GPHN: variants seen among roughly 807,000 people sequenced by gnomAD.
GPHN encodes gephyrin.
GPHN carries 17 observed loss-of-function variants against 95.5 expected under a neutral mutation model. That is an observed-to-expected ratio of 0.18 (90% CI 0.12 to 0.27). The LOEUF (loss-of-function observed/expected upper bound fraction) is 0.27. Ranked by LOEUF, GPHN falls within the 10% of genes least tolerant of loss-of-function variation. The probability of loss-of-function intolerance (pLI) is 1.00; values close to 1 mark genes in which losing one functional copy is unlikely to be tolerated. For synonymous variants in GPHN, 320 were observed against 322.5 expected (o/e 0.99, Z 0.08); for missense variants, 660 against 978.1 (o/e 0.67, Z 4.34).
chr14:67,142,611 C>A (rs1356972168), intron 17 of GPHN, among the ~76,000 whole-genome samples: 1 of 152,152 alleles, frequency 6.6e-6, no homozygotes, highest in Non-Finnish European at 1.5e-5. Context: ...TCCTTTTCCC[C>A]CTACCTTTTC....
intron 2 of GPHN, among the ~76,000 whole-genome samples, chr14:66,702,614 A>G (rs537612753): frequency 7.9e-5 from 12 of 152,326 alleles, no homozygotes; most frequent in African/African-American, 2.6e-4. Flanking sequence ...AGCATCGACA[A>G]CAACAACAAA....
At chr14:67,474,071 G>A in the GPHN span, 14 of 999,860 alleles carry the variant, frequency 1.4e-5, no homozygotes, top group Non-Finnish European at 2.0e-5. Flanking sequence ...GGCCATCATG[G>A]TGAAACCCCG....
rs531864702 is a variant in GPHN at position 67,072,201 on chromosome 14, A to G, written c.1144+13415A>G. On this transcript the variant is annotated intron_variant, in intron 11 of 22. Coordinates refer to ENST00000478722, the MANE Select transcript of GPHN (RefSeq NM_020806.5). ...AATGTTTTAAGTTAAAATGGAAAAA[A>G]ATAGAAATTTTCTCAGAAGTAATGG... 5.9e-5 allele frequency among the ~76,000 whole-genome samples: 9 copies of G among 152,276 alleles called. No homozygotes were observed. In the East Asian group the frequency reaches 1.7e-3, roughly 29 times the overall value.
chr14:66,517,410 A>G (rs1410947363), intron 1 of GPHN, among the ~76,000 whole-genome samples: 1 of 152,210 alleles, frequency 6.6e-6, no homozygotes, highest in Non-Finnish European at 1.5e-5. Context: ...TTCTATACCA[A>G]TGACATTCTT....
chr14:67,068,195 T>G (rs2076143701), intron 11 of GPHN, among the ~76,000 whole-genome samples: 1 of 152,226 alleles, frequency 6.6e-6, no homozygotes, highest in Non-Finnish European at 1.5e-5. Flanking sequence ...TATAGCATAC[T>G]GCATCTCAAA....
the GPHN span, among the ~76,000 whole-genome samples, chr14:67,453,259 T>G: frequency 1.3e-5 from 2 of 152,210 alleles, no homozygotes; most frequent in Non-Finnish European, 2.9e-5. Context: ...CTGGGTTGAC[T>G]AGTCAAAGTG....
At chr14:66,542,320 G>A (rs1477745812) in intron 1 of GPHN, among the ~76,000 whole-genome samples, 3 of 152,044 alleles carry the variant, frequency 2.0e-5, no homozygotes, top group African/African-American at 7.2e-5. Flanking sequence ...TATTTTCTTA[G>A]ATGACTTATT....
At chr14:66,943,833 A>G (rs1490815546) in intron 8 of GPHN, among the ~76,000 whole-genome samples, 3 of 152,190 alleles carry the variant, frequency 2.0e-5, no homozygotes, top group Non-Finnish European at 2.9e-5. Flanking sequence ...ATTATTGGAT[A>G]TAGCCCTTTA....
At chr14:67,215,691 AG>A in the GPHN span, among the ~76,000 whole-genome samples, 1 of 152,222 alleles carries the variant, frequency 6.6e-6, no homozygotes, top group African/African-American at 2.4e-5. Context: ...TTATTAGAAA[AG>A]CGTAAGGTTT....
the GPHN span, chr14:67,201,370 G>A: frequency 2.3e-6 from 1 of 443,088 alleles, no homozygotes; most frequent in African/African-American, 2.0e-5. Context: ...AGAGCCCCAG[G>A]GCATCAGCTC....
chr14:67,115,071 A>G (rs2153688040), intron 16 of GPHN, among the ~76,000 whole-genome samples: 1 of 152,312 alleles, frequency 6.6e-6, no homozygotes, highest in East Asian at 1.9e-4. Context: ...CAGTTTTCCA[A>G]GAGAATAATG....
the GPHN span, among the ~76,000 whole-genome samples, chr14:67,398,853 G>A: frequency 6.6e-6 from 1 of 152,286 alleles, no homozygotes; most frequent in African/African-American, 2.4e-5. Context: ...GAGCCACCAT[G>A]CCCGGTCCCT....
At chr14:66,901,487 T>C (rs2065128339) in intron 5 of GPHN, among the ~76,000 whole-genome samples, 1 of 152,126 alleles carries the variant, frequency 6.6e-6, no homozygotes, top group African/African-American at 2.4e-5. Flanking sequence ...CCTCAGTGTT[T>C]TCTTCTAGTA....
chr14:67,118,005 G>GATCA (rs1000768497), intron 16 of GPHN, among the ~76,000 whole-genome samples: 3 of 152,114 alleles, frequency 2.0e-5, no homozygotes, highest in African/African-American at 7.2e-5. Flanking sequence ...GAAACCTGTT[G>GATCA]ATCATACAAA....
At chr14:67,498,855 G>A in the GPHN span, among the ~76,000 whole-genome samples, 1 of 152,054 alleles carries the variant, frequency 6.6e-6, no homozygotes, top group Non-Finnish European at 1.5e-5. Context: ...TTTTAGTAGA[G>A]ACAGGGTTTC....
At chr14:67,382,668 C>A in the GPHN span, 1 of 1,528,888 alleles carries the variant, frequency 6.5e-7, no homozygotes, top group South Asian at 1.1e-5. Context: ...TAAGAGCTGT[C>A]GGCCTTGGAA....
chr14:67,361,444 T>A, the GPHN span, among the ~76,000 whole-genome samples: 1 of 152,188 alleles, frequency 6.6e-6, no homozygotes, highest in African/African-American at 2.4e-5. Flanking sequence ...ACTATAATGA[T>A]GAAATAAAAG....
At chr14:66,859,094 G>GGGAA (rs1265889404) in intron 4 of GPHN, among the ~76,000 whole-genome samples, 3 of 152,176 alleles carry the variant, frequency 2.0e-5, no homozygotes, top group Non-Finnish European at 4.4e-5. Context: ...ACACCTTAAA[G>GGGAA]GGAAGGACAC....
intron 5 of GPHN, among the ~76,000 whole-genome samples, chr14:66,915,374 C>G (rs976156647): frequency 6.6e-6 from 1 of 152,154 alleles, no homozygotes; most frequent in Non-Finnish European, 1.5e-5. Context: ...CTCCTTGACT[C>G]CAGTCTTCCA....
Sources: gnomAD v4.1 joint callset for allele counts (sites outside exome capture counted in the v4.1 genomes callset) on GRCh38, gnomAD v4.1.1 for gene constraint, MANE v1.5 for transcripts, NCBI Gene and HGNC (gene_info 2026-07-23, HGNC 2026-07-21) for gene names.